Variants in PLCL2 observed in about 807,000 individuals in gnomAD.
The protein encoded by PLCL2 is inactive phospholipase C-like protein 2.
Under a neutral mutation model 79.6 loss-of-function variants are expected in PLCL2, and 4 were observed. That is an observed-to-expected ratio of 0.05 (90% CI 0.02 to 0.11). The LOEUF is 0.11. PLCL2 is among the 10% of genes least tolerant of loss of function. The pLI is 1.00. For synonymous variants in PLCL2, 484 were observed against 457.7 expected (o/e 1.06, Z -0.73); for missense variants, 895 against 1,291.0 (o/e 0.69, Z 4.70).
chr3:17,040,317 G>T (rs1313867104), intron 3 of PLCL2, among the ~76,000 whole-genome samples: 3 of 152,112 alleles, frequency 2.0e-5, no homozygotes, highest in African/African-American at 7.2e-5. Flanking sequence ...CATTTATTCA[G>T]CCTTAACGTA....
chr3:17,075,533 A>T (rs1318381603), intron 5 of PLCL2, among the ~76,000 whole-genome samples: 5 of 147,302 alleles, frequency 3.4e-5, no homozygotes, highest in Non-Finnish European at 7.4e-5. Context: ...GTTGCCACAA[A>T]CCTTCAATGT....
chr3:16,961,927 G>A (rs1331244543), intron 1 of PLCL2, among the ~76,000 whole-genome samples: 1 of 152,200 alleles, frequency 6.6e-6, no homozygotes, highest in African/African-American at 2.4e-5. Flanking sequence ...TAAGGGGTTT[G>A]TTTGGTAAGA....
chr3:16,951,325 A>G (rs2063649439), intron 1 of PLCL2, among the ~76,000 whole-genome samples: 1 of 151,966 alleles, frequency 6.6e-6, no homozygotes, highest in African/African-American at 2.4e-5. Flanking sequence ...AAAATTGGTC[A>G]TCTGTTTTAT....
chr3:16,885,196 G>A lies in PLCL2; in HGVS notation c.157G>A (p.Gly53Arg), dbSNP rs1432266736. ...CGGGCGGGCGCGCTATGACAGCGGC[G>A]GGGTTTCCAACGGAGACTGCAGCCT... ...GHGRARYDSG[G>R]VSNGDCSLGV... Residue 53 changes from glycine (G) to arginine (R), a missense_variant, in exon 1 of 6, where the codon GGG (glycine) becomes AGG (arginine). This residue lies in a region of PLCL2 where 110 missense variants were observed against 42.9 expected (regional missense o/e 2.56). Coordinates refer to ENST00000615277, the MANE Select transcript of PLCL2 (RefSeq NM_001144382.2). 2 of 618,222 alleles carry A rather than the reference G, an allele frequency of 3.2e-6. No individual in the cohort carries two copies. The highest frequency in any genetic ancestry group is 5.0e-5 in the Admixed American group (2 of 39,784). The allele number at this position is 618,222 out of a possible 1,614,324, so 38.3% of individuals were successfully genotyped here.
intron 1 of PLCL2, among the ~76,000 whole-genome samples, chr3:16,990,975 G>A (rs766138821): frequency 6.6e-6 from 1 of 152,230 alleles, no homozygotes; most frequent in Non-Finnish European, 1.5e-5. Flanking sequence ...GGGAGCAGGT[G>A]ATGGGGCTTT....
intron 1 of PLCL2, among the ~76,000 whole-genome samples, chr3:16,957,146 G>A (rs1162050208): frequency 2.6e-5 from 4 of 152,096 alleles, no homozygotes; most frequent in Admixed American, 2.0e-4. Context: ...GATCTTTCCT[G>A]CTTTCTCTTG....
At chr3:16,903,290 TA>T (rs1187711749) in intron 1 of PLCL2, among the ~76,000 whole-genome samples, 2 of 152,098 alleles carry the variant, frequency 1.3e-5, no homozygotes, top group Admixed American at 1.3e-4. Context: ...AATTATTTTT[TA>T]TGCCAAAGAT....
At chr3:16,897,051 G>A (rs1031844269) in intron 1 of PLCL2, among the ~76,000 whole-genome samples, 9 of 152,072 alleles carry the variant, frequency 5.9e-5, no homozygotes, top group Admixed American at 1.3e-4. Flanking sequence ...AACAGCTCCC[G>A]GAATCCTGCA....
At chr3:16,935,550 G>A (rs1248828852) in intron 1 of PLCL2, among the ~76,000 whole-genome samples, 1 of 151,988 alleles carries the variant, frequency 6.6e-6, no homozygotes, top group African/African-American at 2.4e-5. Context: ...TCGGATATGT[G>A]TTGTAGGAAT....
intron 3 of PLCL2, among the ~76,000 whole-genome samples, chr3:17,030,026 A>G (rs1440406308): frequency 2.0e-5 from 3 of 152,196 alleles, no homozygotes; most frequent in South Asian, 4.1e-4. Context: ...CCTAGGAAGC[A>G]GATGAGCCCC....
chr3:16,890,994 T>G (rs1045301128), intron 1 of PLCL2, among the ~76,000 whole-genome samples: 1 of 152,192 alleles, frequency 6.6e-6, no homozygotes, highest in South Asian at 2.1e-4. Context: ...CAGGGCAGGT[T>G]GTTAGGCCCT....
chr3:17,016,354 T>G (rs932098491), intron 3 of PLCL2, among the ~76,000 whole-genome samples: 1 of 152,212 alleles, frequency 6.6e-6, no homozygotes, highest in African/African-American at 2.4e-5. Context: ...AGTCACACAT[T>G]GTAGTGGGGG....
At chr3:17,049,360 A>G (rs1281660623) in intron 4 of PLCL2, among the ~76,000 whole-genome samples, 2 of 152,206 alleles carry the variant, frequency 1.3e-5, no homozygotes, top group African/African-American at 4.8e-5. Flanking sequence ...AAGTTCCCAG[A>G]TGCCATTAAG....
chr3:16,925,474 T>A (rs1697225324), intron 1 of PLCL2, among the ~76,000 whole-genome samples: 1 of 152,226 alleles, frequency 6.6e-6, no homozygotes, highest in South Asian at 2.1e-4. Context: ...TTTATAGTTA[T>A]GCAACCATTA....
At chr3:16,993,053 G>T (rs1337985784) in intron 1 of PLCL2, among the ~76,000 whole-genome samples, 1 of 152,152 alleles carries the variant, frequency 6.6e-6, no homozygotes, top group South Asian at 2.1e-4. Flanking sequence ...AGACAGACTA[G>T]AACTGGCAAC....
rs142701481 is a variant in PLCL2, at chr3:16,936,279, T to C, written c.327+50913T>C. On this transcript the variant is annotated intron_variant, in intron 1 of 5. Coordinates refer to ENST00000615277, the MANE Select transcript of PLCL2 (RefSeq NM_001144382.2). ...TTAAATTCTGGAGTTGCCTAAATTG[T>C]TTAGGAGAAATTTAGCTGGAATCTG... is the stretch of plus-strand genomic sequence containing the variant. 5.2e-3 allele frequency among the ~76,000 whole-genome samples: 785 copies of C among 152,314 alleles called. 7 individuals carry two copies. Among genetic ancestry groups the C allele is most frequent in the African/African-American group, 0.018 (730 of 41,550 alleles).
intron 1 of PLCL2, among the ~76,000 whole-genome samples, chr3:16,980,696 C>G (rs187058174): frequency 6.6e-6 from 1 of 151,646 alleles, no homozygotes; most frequent in Non-Finnish European, 1.5e-5. Context: ...AGACGATGGG[C>G]GGCCAGGCGG....
chr3:16,929,188 G>C (rs1213515498), intron 1 of PLCL2, among the ~76,000 whole-genome samples: 2 of 152,018 alleles, frequency 1.3e-5, no homozygotes, highest in Non-Finnish European at 2.9e-5. Flanking sequence ...CAAGGATCGT[G>C]GGAGAGAGGG....
intron 1 of PLCL2, among the ~76,000 whole-genome samples, chr3:16,900,838 C>T (rs1471139599): frequency 6.6e-6 from 1 of 152,172 alleles, no homozygotes; most frequent in Non-Finnish European, 1.5e-5. Flanking sequence ...TGGTTACTCT[C>T]CATGCCACTT....
Sources: allele counts gnomAD v4.1 joint callset (sites outside exome capture counted in the v4.1 genomes callset), GRCh38; gene constraint gnomAD v4.1.1; regional missense constraint gnomAD v4.1.1; transcripts MANE v1.5; gene names NCBI Gene and HGNC (gene_info 2026-07-23, HGNC 2026-07-21).